OSBPL11: variants seen among roughly 807,000 people sequenced by gnomAD.
OSBPL11 encodes oxysterol-binding protein-related protein 11.
In OSBPL11, 33 loss-of-function variants were observed where a neutral mutation model predicts 84.4. The observed-to-expected ratio is 0.39, with a 90% confidence interval of 0.30 to 0.52. OSBPL11 has a LOEUF of 0.52. Ranked by LOEUF, OSBPL11 falls within the 20% of genes least tolerant of loss-of-function variation. The pLI is 0.72. For synonymous variants in OSBPL11, 276 were observed against 310.2 expected (o/e 0.89, Z 1.16); for missense variants, 736 against 901.1 (o/e 0.82, Z 2.35).
At chr3:125,566,426 A>G (rs773923823) in intron 6 of OSBPL11, among the ~76,000 whole-genome samples, 7 of 152,152 alleles carry the variant, frequency 4.6e-5, no homozygotes, top group African/African-American at 4.8e-5. Flanking sequence ...CTGCAACTAC[A>G]ATTGCCACTA....
At chr3:125,533,187 C>T (rs949250543) in intron 11 of OSBPL11, among the ~76,000 whole-genome samples, 3 of 147,358 alleles carry the variant, frequency 2.0e-5, no homozygotes, top group Non-Finnish European at 4.5e-5. Flanking sequence ...CCTTCTCTTC[C>T]TCCCCTTCCC....
intron 10 of OSBPL11, among the ~76,000 whole-genome samples, chr3:125,543,905 TA>T (rs1315786449): frequency 6.6e-6 from 1 of 151,670 alleles, no homozygotes; most frequent in Non-Finnish European, 1.5e-5. Flanking sequence ...ATCTCAAAAA[TA>T]AAAATAAAAA....
chr3:125,589,107 AAG>A, intron 1 of OSBPL11, among the ~76,000 whole-genome samples: 1 of 152,062 alleles, frequency 6.6e-6, no homozygotes, highest in African/African-American at 2.4e-5. Context: ...CCAGTACTTT[AAG>A]AGGCCTAGGC....
intron 5 of OSBPL11, among the ~76,000 whole-genome samples, chr3:125,574,480 G>GTTT (rs56689283): frequency 7.4e-5 from 10 of 135,360 alleles, no homozygotes; most frequent in Non-Finnish European, 8.0e-5. Context: ...CTGATTAGCA[G>GTTT]TTTTTTTTTT....
At chr3:125,585,258 G>C (rs909560671) in intron 1 of OSBPL11, among the ~76,000 whole-genome samples, 1 of 152,060 alleles carries the variant, frequency 6.6e-6, no homozygotes, top group Non-Finnish European at 1.5e-5. Flanking sequence ...TGCCTGCCAA[G>C]TAGCTGGGAC....
intron 1 of OSBPL11, among the ~76,000 whole-genome samples, chr3:125,592,417 A>G (rs1044979788): frequency 7.2e-5 from 11 of 152,230 alleles, no homozygotes; most frequent in Non-Finnish European, 2.9e-5. Flanking sequence ...GTCTGACTTA[A>G]AAGTTTTCTG....
intron 4 of OSBPL11, among the ~76,000 whole-genome samples, chr3:125,576,766 C>A (rs1936331429): frequency 6.6e-6 from 1 of 152,074 alleles, no homozygotes; most frequent in Admixed American, 6.5e-5. Flanking sequence ...TCACTGCAAC[C>A]TCTGCTTCAC....
At position 125,544,070 on chromosome 3, in the gene OSBPL11, A is replaced by ATT. The variant is rs35835902; in HGVS notation, c.1841+3334_1841+3335dup. On this transcript the variant is annotated intron_variant, in intron 10 of 12. Transcript: ENST00000296220. ...TTGATGAGCATCCTTATGAACCAAG[A>ATT]TTTTTTTTTTTTTTTTTTTGAGACA... is the stretch of plus-strand genomic sequence containing the variant. Among the ~76,000 whole-genome samples the ATT allele has an allele frequency of 1.2e-3, 170 of 136,810 alleles. 2 individuals carry two copies. The highest frequency in any genetic ancestry group is 3.9e-3 in the African/African-American group (145 of 36,734). The allele number at this position is 136,810 out of a possible 152,430, so 89.8% of individuals were successfully genotyped here. A position where few individuals can be genotyped will look rare whatever the true frequency, so the allele number is the denominator to read the frequency against.
chr3:125,542,173 G>C (rs1935738320), intron 10 of OSBPL11, among the ~76,000 whole-genome samples: 1 of 152,158 alleles, frequency 6.6e-6, no homozygotes, highest in Non-Finnish European at 1.5e-5. Context: ...AACAGAAACA[G>C]ACTTCCTGCA....
In OSBPL11 at chr3:125,590,828, T is replaced by A. The variant is rs79502396; in HGVS notation, c.164+3809A>T. Among the ~76,000 whole-genome samples the A allele has an allele frequency of 8.2e-3, 1,247 of 152,318 alleles. 9 individuals are homozygous for A. The highest frequency in any genetic ancestry group is 0.017 in the South Asian group (84 of 4,826). On this transcript the variant is annotated intron_variant, in intron 1 of 12. Transcript: ENST00000296220. ...CTAGTTATTATCAATAATTATTCAT[T>A]CCTTTTAGAGAGTTTATCTACTTTT...
intron 8 of OSBPL11, among the ~76,000 whole-genome samples, chr3:125,559,694 A>T (rs1470041658): frequency 6.6e-6 from 1 of 151,960 alleles, no homozygotes; most frequent in African/African-American, 2.4e-5. Flanking sequence ...CTCCTGACCT[A>T]AAGTGATCTG....
intron 11 of OSBPL11, 58 bp downstream of exon 11, chr3:125,538,393 C>G: frequency 1.4e-5 from 22 of 1,528,452 alleles, no homozygotes; most frequent in Non-Finnish European, 2.0e-5. Context: ...AGTGAAAAGG[C>G]TTAGATTAAG....
At chr3:125,564,585 G>A (rs1328343718) in intron 6 of OSBPL11, among the ~76,000 whole-genome samples, 1 of 151,924 alleles carries the variant, frequency 6.6e-6, no homozygotes, top group Non-Finnish European at 1.5e-5. Context: ...ACAGAAGCTT[G>A]GTTATAGAGT....
At chr3:125,578,904 TA>T in intron 4 of OSBPL11, 55 bp downstream of exon 4, 3 of 953,438 alleles carry the variant, frequency 3.1e-6, no homozygotes, top group South Asian at 1.9e-5. Context: ...AGGCAAAAAA[TA>T]AAAAATATTC....
chr3:125,578,320 A>G (rs1378573050), intron 4 of OSBPL11, among the ~76,000 whole-genome samples: 1 of 152,212 alleles, frequency 6.6e-6, no homozygotes, highest in Non-Finnish European at 1.5e-5. Context: ...AATGCCCAGA[A>G]TAGACAAATC....
In OSBPL11 at chr3:125,579,792, G is replaced by A. The variant is rs1250782795; in HGVS notation, c.409+73C>T. ...CAGTTTCTATTTCCAAAGCCCATATGAAAGCATGTAAGACACCAACTTCTC... is the reference window on the plus strand; with the variant it reads ...CAGTTTCTATTTCCAAAGCCCATATAAAAGCATGTAAGACACCAACTTCTC... On this transcript the variant is annotated intron_variant, in intron 3 of 12. Coordinates refer to ENST00000296220, the MANE Select transcript of OSBPL11 (RefSeq NM_022776.5). 8.1e-6 allele frequency: 11 copies of A among 1,357,502 alleles called. No individual in the cohort carries two copies. In the African/African-American group the frequency reaches 1.0e-4, roughly 13 times the overall value. 84.1% of individuals were successfully genotyped at this position (1,357,502 alleles called of 1,614,324 possible).
intron 9 of OSBPL11, 130 bp downstream of exon 9, chr3:125,552,051 C>T (rs1398726926): frequency 4.4e-5 from 20 of 454,482 alleles, no homozygotes; most frequent in Non-Finnish European, 4.9e-5. Flanking sequence ...TTCTCCCAAG[C>T]GAACTTTCCT....
chr3:125,570,330 C>CAAA (rs1251584217), intron 5 of OSBPL11, among the ~76,000 whole-genome samples: 5,054 of 119,160 alleles, frequency 0.042, 103 homozygotes, highest in East Asian at 0.072. Flanking sequence ...CCATCTCTAG[C>CAAA]AAAAAAAAAA....
chr3:125,557,099 A>G (rs1243131714), intron 8 of OSBPL11, among the ~76,000 whole-genome samples: 2 of 152,234 alleles, frequency 1.3e-5, no homozygotes, highest in Non-Finnish European at 2.9e-5. Flanking sequence ...CTGTTATGTT[A>G]GGGTAGTAAA....
Sources: gnomAD v4.1 joint callset for allele counts (sites outside exome capture counted in the v4.1 genomes callset) on GRCh38, gnomAD v4.1.1 for gene constraint, MANE v1.5 for transcripts, NCBI Gene and HGNC (gene_info 2026-07-23, HGNC 2026-07-21) for gene names.